BRAF: variants seen among roughly 807,000 people sequenced by gnomAD.
BRAF encodes the protein serine/threonine-protein kinase B-raf.
BRAF carries 16 observed loss-of-function variants against 104.6 expected under a neutral mutation model. The ratio of observed to expected loss-of-function variants is 0.15; its 90% confidence interval spans 0.10 to 0.23. The LOEUF is 0.23. Among genes scored for constraint, BRAF ranks in the 10% least tolerant of loss-of-function variants. BRAF has a pLI of 1.00. For missense variants in BRAF, 541 were observed against 937.3 expected (o/e 0.58, Z 5.52); for synonymous variants, 310 against 341.6 (o/e 0.91, Z 1.02).
chr7:140,852,170 A>G (rs900830962), intron 1 of BRAF, among the ~76,000 whole-genome samples: 2 of 152,036 alleles, frequency 1.3e-5, no homozygotes, highest in Admixed American at 6.6e-5. Context: ...GGAGTTCACA[A>G]CCAGCCTGGG....
intron 1 of BRAF, among the ~76,000 whole-genome samples, chr7:140,868,117 T>A (rs987933404): frequency 3.3e-5 from 5 of 152,166 alleles, no homozygotes; most frequent in Admixed American, 3.3e-4. Context: ...CAGACATGAA[T>A]GAGCACAGCC....
At position 140,720,173 on chromosome 7, in the gene BRAF, C is replaced by T; in HGVS notation, c.*6321G>A. ...TATGATCCTATCTTAGGAAAGGCAGCAATTGCCATGTTGAGGAAAGGATCA... is the reference window on the plus strand; with the variant it reads ...TATGATCCTATCTTAGGAAAGGCAGTAATTGCCATGTTGAGGAAAGGATCA... On this transcript the variant is annotated 3_prime_UTR_variant, in exon 20 of 20. Transcript: ENST00000644969. The T allele has an allele frequency of 9.4e-7, 1 of 1,062,152 alleles. No homozygotes were observed. Among genetic ancestry groups the T allele is most frequent in the Non-Finnish European group, 1.1e-6 (1 of 877,332 alleles). 65.8% of individuals were successfully genotyped at this position (1,062,152 alleles called of 1,614,324 possible). A position where few individuals can be genotyped will look rare whatever the true frequency, so the allele number is the denominator to read the frequency against.
At chr7:140,849,852 T>A (rs1388839131) in intron 2 of BRAF, among the ~76,000 whole-genome samples, 1 of 151,898 alleles carries the variant, frequency 6.6e-6, no homozygotes, top group Non-Finnish European at 1.5e-5. Context: ...AAAATAAAAA[T>A]TTAATTCAGA....
chr7:140,794,553 CTTG>C (rs746777014), intron 7 of BRAF, 86 bp from the exon 8 acceptor site: 71 of 1,459,396 alleles, frequency 4.9e-5, no homozygotes, highest in Non-Finnish European at 6.5e-5. Context: ...AAAGGATTTT[CTTG>C]TTTTTATATT....
chr7:140,762,123 G>C (rs979622373), intron 14 of BRAF, among the ~76,000 whole-genome samples: 4 of 152,032 alleles, frequency 2.6e-5, no homozygotes, highest in African/African-American at 9.7e-5. Context: ...TTCCAAAACT[G>C]ACCACATACT....
Position 140,763,841 on chromosome 7 carries a change from G to A in BRAF, c.1815-9608C>T, listed in dbSNP as rs186393706. On this transcript the variant is annotated intron_variant, in intron 14 of 19. Coordinates refer to ENST00000644969, the MANE Select transcript of BRAF (RefSeq NM_001374258.1). ...ACCAAAAAGAGTCCAGGACCAGACG[G>A]ATTCAAAGCTGAATTCTACCAGAGA... Among the ~76,000 whole-genome samples the A allele has an allele frequency of 5.1e-4, 78 of 152,282 alleles. 1 individual carries two copies. Among genetic ancestry groups the A allele is most frequent in the Middle Eastern group, 6.8e-3 (2 of 294 alleles).
rs80349407 is a variant in BRAF, at chr7:140,739,181, G to A, written c.2247+631C>T. 5.9e-3 allele frequency among the ~76,000 whole-genome samples: 895 copies of A among 152,042 alleles called. 8 individuals are homozygous for A. The highest frequency in any genetic ancestry group is 9.3e-3 in the Non-Finnish European group (635 of 67,962). On this transcript the variant is annotated intron_variant, in intron 18 of 19. Transcript: ENST00000644969. ...CGTGGACCACCAGGGGATCCACGAG[G>A]TCAAAACTATTTTTGTAATAACAAT... is the stretch of plus-strand genomic sequence containing the variant.
intron 2 of BRAF, among the ~76,000 whole-genome samples, chr7:140,843,624 A>G (rs967105207): frequency 2.0e-5 from 3 of 152,126 alleles, no homozygotes; most frequent in Admixed American, 1.3e-4. Context: ...ATCTTCCAAT[A>G]TTTATTTTTC....
intron 18 of BRAF, 59 bp from the exon 18 acceptor site, chr7:140,734,829 A>C: frequency 1.4e-6 from 2 of 1,468,796 alleles, no homozygotes; most frequent in Non-Finnish European, 1.8e-6. Flanking sequence ...AAAAAGAAAG[A>C]AAGAAAAAGA....
rs141935449 is a variant in BRAF, at chr7:140,751,098, T to C, written c.1981-1680A>G. Among the ~76,000 whole-genome samples, 61 of 152,314 alleles carry C rather than the reference T, an allele frequency of 4.0e-4. 1 individual carries two copies. The East Asian group carries it at 7.1e-3, about 18-fold the overall frequency. ...GGATTGGTTTAACAATAAAGGGTAC[T>C]GTTGGCTATTATTCTCTCGTCTTAA... is the stretch of plus-strand genomic sequence containing the variant. On this transcript the variant is annotated intron_variant, in intron 16 of 19. Coordinates refer to ENST00000644969, the MANE Select transcript of BRAF (RefSeq NM_001374258.1).
In BRAF at chr7:140,726,408, T is replaced by C; in HGVS notation, c.*86A>G. The C allele has an allele frequency of 9.9e-6, 15 of 1,509,698 alleles. No individual in the cohort carries two copies. The highest frequency in any genetic ancestry group is 1.3e-5 in the South Asian group (1 of 78,806). 93.5% of individuals were successfully genotyped at this position (1,509,698 alleles called of 1,614,324 possible). A position where few individuals can be genotyped will look rare whatever the true frequency, so the allele number is the denominator to read the frequency against. ...AAATTTTGTATCTTTAAAAAAAGATTTGAGGAACAGAACTGTGTTTTGATG... is the reference window on the plus strand; with the variant it reads ...AAATTTTGTATCTTTAAAAAAAGATCTGAGGAACAGAACTGTGTTTTGATG... On this transcript the variant is annotated 3_prime_UTR_variant, in exon 20 of 20. Coordinates refer to ENST00000644969, the MANE Select transcript of BRAF (RefSeq NM_001374258.1).
At chr7:140,767,894 G>A (rs55727905) in intron 14 of BRAF, among the ~76,000 whole-genome samples, 11,764 of 152,174 alleles carry the variant, frequency 0.077, 1,475 homozygotes, top group African/African-American at 0.27. Context: ...CAGAATGTCT[G>A]ACACATAGTA....
chr7:140,916,653 T>A (rs1817665648), intron 1 of BRAF, among the ~76,000 whole-genome samples: 1 of 152,220 alleles, frequency 6.6e-6, no homozygotes, highest in Admixed American at 6.5e-5. Flanking sequence ...ATGTCCTTTC[T>A]TATAAGGAAA....
chr7:140,760,934 G>T (rs1162664462), intron 14 of BRAF, among the ~76,000 whole-genome samples: 2 of 152,126 alleles, frequency 1.3e-5, no homozygotes, highest in East Asian at 1.9e-4. Flanking sequence ...GAAAGTGACG[G>T]GGAGAATGGA....
chr7:140,914,695 A>T (rs1459997801), intron 1 of BRAF, among the ~76,000 whole-genome samples: 1 of 151,922 alleles, frequency 6.6e-6, no homozygotes, highest in African/African-American at 2.4e-5. Context: ...TATGATGGGA[A>T]TTAAGTCACC....
chr7:140,923,186 T>C (rs1003084450), intron 1 of BRAF, among the ~76,000 whole-genome samples: 1 of 144,530 alleles, frequency 6.9e-6, no homozygotes, highest in African/African-American at 2.9e-5. Context: ...TTTCCAAAGA[T>C]GATGATGCAA....
intron 2 of BRAF, among the ~76,000 whole-genome samples, chr7:140,845,781 G>T (rs189376035): frequency 6.6e-6 from 1 of 152,048 alleles, no homozygotes; most frequent in South Asian, 2.1e-4. Flanking sequence ...GGATTCAAGC[G>T]ATTCTCCTGC....
In BRAF at chr7:140,723,560, T is replaced by C; in HGVS notation, c.*2934A>G. 5.7e-6 allele frequency: 6 copies of C among 1,048,896 alleles called. No homozygotes were observed. The highest frequency in any genetic ancestry group is 6.9e-6 in the Non-Finnish European group (6 of 869,092). 65.0% of individuals were successfully genotyped at this position (1,048,896 alleles called of 1,614,324 possible). ...ATTTTCTATTCACAAATCCCTTTTA[T>C]AAACTATTTTTTTGGTCAATATTAT... is the stretch of plus-strand genomic sequence containing the variant. On this transcript the variant is annotated 3_prime_UTR_variant, in exon 20 of 20. Transcript: ENST00000644969.
chr7:140,751,404 C>G (rs921324800), intron 16 of BRAF, among the ~76,000 whole-genome samples: 1 of 152,096 alleles, frequency 6.6e-6, no homozygotes, highest in Non-Finnish European at 1.5e-5. Flanking sequence ...GATACACTGC[C>G]ATCTTTTTCA....
Sources: allele counts gnomAD v4.1 joint callset (sites outside exome capture counted in the v4.1 genomes callset), GRCh38; gene constraint gnomAD v4.1.1; transcripts MANE v1.5; gene names NCBI Gene and HGNC (gene_info 2026-07-23, HGNC 2026-07-21).